The following BACE2 variants were observed in gnomAD, a reference collection of about 807,000 sequenced individuals.
BACE2 encodes the protein 56 kDa aspartic-like protease.
In BACE2, 17 loss-of-function variants were observed where a neutral mutation model predicts 46.2. That is an observed-to-expected ratio of 0.37 (90% CI 0.25 to 0.55). The LOEUF is 0.55. Ranked by LOEUF, BACE2 falls within the 20% of genes least tolerant of loss-of-function variation. The pLI is 0.82. For missense variants in BACE2, 595 were observed against 698.1 expected (o/e 0.85, Z 1.66); for synonymous variants, 277 against 295.9 (o/e 0.94, Z 0.66).
chr21:41,172,802 G>T (rs998097000), intron 1 of BACE2, among the ~76,000 whole-genome samples: 1 of 152,116 alleles, frequency 6.6e-6, no homozygotes, highest in Non-Finnish European at 1.5e-5. Context: ...TTAATGTCCT[G>T]GTCTCAAAAC....
intron 2 of BACE2, among the ~76,000 whole-genome samples, chr21:41,227,185 A>G (rs1568876482): frequency 6.6e-6 from 1 of 152,258 alleles, no homozygotes; most frequent in Non-Finnish European, 1.5e-5. Flanking sequence ...TAAATTCAAC[A>G]GACAGCCAGG....
chr21:41,181,662 T>A (rs1178924945), intron 1 of BACE2: 1 of 166,998 alleles, frequency 6.0e-6, no homozygotes, highest in Non-Finnish European at 1.5e-5. Context: ...CAGATTCCGA[T>A]AATAGTGGTC....
intron 8 of BACE2, among the ~76,000 whole-genome samples, chr21:41,262,523 C>G (rs2123637580): frequency 6.6e-6 from 1 of 152,130 alleles, no homozygotes; most frequent in East Asian, 1.9e-4. Flanking sequence ...TACTTTTGCC[C>G]TTTTATTCAA....
chr21:41,265,439 A>C (rs1988044464), intron 8 of BACE2, among the ~76,000 whole-genome samples: 1 of 152,122 alleles, frequency 6.6e-6, no homozygotes. Context: ...ATATTCATCG[A>C]TACCTGGCCA....
chr21:41,192,336 G>A (rs1298817763), intron 1 of BACE2, among the ~76,000 whole-genome samples: 1 of 152,170 alleles, frequency 6.6e-6, no homozygotes, highest in Non-Finnish European at 1.5e-5. Flanking sequence ...ACTTCCTCAT[G>A]TAACTTACTT....
chr21:41,252,695 G>T (rs8134992), intron 7 of BACE2, among the ~76,000 whole-genome samples: 16,925 of 152,212 alleles, frequency 0.11, 1,029 homozygotes, highest in African/African-American at 0.13. Context: ...ACTGTTTGTG[G>T]AATGGACACA....
At chr21:41,221,554 G>A (rs537193887) in intron 1 of BACE2, among the ~76,000 whole-genome samples, 26 of 152,254 alleles carry the variant, frequency 1.7e-4, no homozygotes, top group Middle Eastern at 3.4e-3. Context: ...GGCCGGGCGC[G>A]GTGGCTCACG....
rs2088509534 is a variant in BACE2, at chr21:41,278,060, T to A, written c.*2436T>A. On this transcript the variant is annotated 3_prime_UTR_variant, in exon 9 of 9. Coordinates refer to ENST00000330333, the MANE Select transcript of BACE2 (RefSeq NM_012105.5). The stretch of plus-strand genomic sequence containing the variant: ...AAATTGATGCTTAGCTTGGCAAGCT[T>A]TCAAGGAGGTTTGCTTGGAACAGGA... 1 of 152,216 alleles carries A rather than the reference T, an allele frequency of 6.6e-6. No homozygotes were observed. The highest frequency in any genetic ancestry group is 2.1e-4 in the South Asian group (1 of 4,836). The allele number at this position is 152,216 out of a possible 1,614,324, so 9.4% of individuals were successfully genotyped here. A position where few individuals can be genotyped will look rare whatever the true frequency, so the allele number is the denominator to read the frequency against.
At chr21:41,185,579 T>A (rs1179659911) in intron 1 of BACE2, among the ~76,000 whole-genome samples, 1 of 151,968 alleles carries the variant, frequency 6.6e-6, no homozygotes, top group Non-Finnish European at 1.5e-5. Flanking sequence ...AACTTCAGGG[T>A]GGAAAAAGAC....
intron 6 of BACE2, among the ~76,000 whole-genome samples, chr21:41,249,764 A>G (rs1238539760): frequency 6.6e-6 from 1 of 152,062 alleles, no homozygotes; most frequent in African/African-American, 2.4e-5. Flanking sequence ...ATGTGCTACA[A>G]TAGACACATC....
At chr21:41,198,622 T>C (rs1395648985) in intron 1 of BACE2, among the ~76,000 whole-genome samples, 2 of 152,220 alleles carry the variant, frequency 1.3e-5, no homozygotes, top group Non-Finnish European at 2.9e-5. Context: ...CTCCATGCAG[T>C]CTCTACTCTA....
At chr21:41,179,741 G>T (rs1454930176) in intron 1 of BACE2, 2 of 1,058,620 alleles carry the variant, frequency 1.9e-6, no homozygotes, top group Non-Finnish European at 2.6e-6. Context: ...GAATCAAGCT[G>T]AGGGTGCCTG....
chr21:41,203,849 G>C (rs1319951932), intron 1 of BACE2, among the ~76,000 whole-genome samples: 1 of 152,198 alleles, frequency 6.6e-6, no homozygotes. Flanking sequence ...AAGGAGTTTT[G>C]AAAGACGTCA....
At chr21:41,246,562 C>A (rs918840513) in intron 6 of BACE2, among the ~76,000 whole-genome samples, 4 of 152,158 alleles carry the variant, frequency 2.6e-5, no homozygotes, top group East Asian at 3.9e-4. Context: ...ATCTTAACTT[C>A]TGTTTGTATA....
chr21:41,200,213 C>CA (rs938908905), intron 1 of BACE2, among the ~76,000 whole-genome samples: 30 of 128,464 alleles, frequency 2.3e-4, no homozygotes, highest in African/African-American at 8.1e-4. Context: ...AAAAAAAAAA[C>CA]CCAAAACCTC....
At chr21:41,219,576 G>A (rs1473374574) in intron 1 of BACE2, among the ~76,000 whole-genome samples, 1 of 152,186 alleles carries the variant, frequency 6.6e-6, no homozygotes, top group African/African-American at 2.4e-5. Flanking sequence ...TTATTTAAGA[G>A]CAGAAAAAGA....
Position 41,198,852 on chromosome 21 carries a change from TA to T in BACE2, c.313-27413del, listed in dbSNP as rs1003640353. ...TGTTGGTGGATCTCTGTACGCTTTT[TA>T]TTTATTTATTTATTTATTTATTTAT... On this transcript the variant is annotated intron_variant, in intron 1 of 8. Coordinates refer to ENST00000330333, the MANE Select transcript of BACE2 (RefSeq NM_012105.5). Among the ~76,000 whole-genome samples the T allele has an allele frequency of 9.0e-3, 1,209 of 134,718 alleles. 11 individuals are homozygous for T. Among genetic ancestry groups the T allele is most frequent in the African/African-American group, 0.029 (1,111 of 37,966 alleles). 88.4% of individuals were successfully genotyped at this position (134,718 alleles called of 152,430 possible). A position where few individuals can be genotyped will look rare whatever the true frequency, so the allele number is the denominator to read the frequency against.
At chr21:41,179,960 G>A (rs1489068069) in intron 1 of BACE2, 2 of 359,590 alleles carry the variant, frequency 5.6e-6, no homozygotes, top group Non-Finnish European at 1.1e-5. Flanking sequence ...AGGAACTCAA[G>A]GGCAAGCCAG....
chr21:41,238,455 G>A (rs1987190425), intron 3 of BACE2, among the ~76,000 whole-genome samples: 1 of 152,236 alleles, frequency 6.6e-6, no homozygotes, highest in South Asian at 2.1e-4. Context: ...AGGCAGGCGG[G>A]AGTAGACGCT....
Sources: allele counts gnomAD v4.1 joint callset (sites outside exome capture counted in the v4.1 genomes callset), GRCh38; gene constraint gnomAD v4.1.1; transcripts MANE v1.5; gene names NCBI Gene and HGNC (gene_info 2026-07-23, HGNC 2026-07-21).